The following PTPRD variants were observed in gnomAD, a reference collection of about 807,000 sequenced individuals.
PTPRD encodes receptor-type tyrosine-protein phosphatase delta.
PTPRD carries 34 observed loss-of-function variants against 214.5 expected under a neutral mutation model. The ratio of observed to expected loss-of-function variants is 0.16; its 90% confidence interval spans 0.12 to 0.21. The LOEUF is 0.21. Among genes scored for constraint, PTPRD ranks in the 10% least tolerant of loss-of-function variants. The pLI is 1.00. For synonymous variants in PTPRD, 1,128 were observed against 845.7 expected, an observed-to-expected ratio of 1.33 and a Z score of -5.79; for missense variants, 2,545 against 2,398.7, an observed-to-expected ratio of 1.06 and a Z score of -1.27.
intron 9 of PTPRD, among the ~76,000 whole-genome samples, chr9:9,225,818 G>C (rs1012918967): frequency 6.6e-6 from 1 of 151,988 alleles, no homozygotes; most frequent in African/African-American, 2.4e-5. Flanking sequence ...GAACTAGACA[G>C]TTTGAATAGT....
At chr9:10,578,715 A>T (rs549568176) in intron 2 of PTPRD, among the ~76,000 whole-genome samples, 1 of 152,212 alleles carries the variant, frequency 6.6e-6, no homozygotes, top group Admixed American at 6.5e-5. Flanking sequence ...TTTCGTTCAT[A>T]TTAGTTTTTT....
At chr9:9,822,949 A>G (rs753263403) in intron 5 of PTPRD, among the ~76,000 whole-genome samples, 14 of 152,146 alleles carry the variant, frequency 9.2e-5, no homozygotes, top group Non-Finnish European at 1.6e-4. Flanking sequence ...CATTTATTCC[A>G]GCAATCCCAC....
chr9:9,969,418 G>A (rs995330209), intron 4 of PTPRD, among the ~76,000 whole-genome samples: 2 of 152,186 alleles, frequency 1.3e-5, no homozygotes, highest in East Asian at 3.9e-4. Flanking sequence ...GAGATAGAGG[G>A]TACTGTAGTC....
intron 35 of PTPRD, among the ~76,000 whole-genome samples, chr9:8,410,374 C>G (rs936021529): frequency 1.8e-4 from 27 of 152,118 alleles, no homozygotes; most frequent in Non-Finnish European, 4.4e-5. Flanking sequence ...TAGCTCTGGC[C>G]GGTCAGGTAA....
At chr9:9,244,650 G>GACTT in intron 9 of PTPRD, among the ~76,000 whole-genome samples, 1 of 152,168 alleles carries the variant, frequency 6.6e-6, no homozygotes, top group African/African-American at 2.4e-5. Context: ...GATGGATTAA[G>GACTT]ACTTAAATGT....
chr9:9,307,431 C>T (rs1440205513), intron 9 of PTPRD, among the ~76,000 whole-genome samples: 1 of 152,112 alleles, frequency 6.6e-6, no homozygotes, highest in Non-Finnish European at 1.5e-5. Context: ...TATGTCTTTT[C>T]CTGCACCATC....
At chr9:8,733,727 A>G in intron 12 of PTPRD, 53 bp downstream of exon 12, 1 of 1,543,716 alleles carries the variant, frequency 6.5e-7, no homozygotes, top group Non-Finnish European at 8.8e-7. Context: ...CCAACTGCAA[A>G]CAAAACCACT....
At chr9:10,185,544 T>A (rs73641869) in intron 3 of PTPRD, among the ~76,000 whole-genome samples, 1 of 152,204 alleles carries the variant, frequency 6.6e-6, no homozygotes, top group Non-Finnish European at 1.5e-5. Context: ...ATGGCTGTTA[T>A]CTGCGTTTTA....
chr9:10,538,330 A>C (rs1450309730), intron 2 of PTPRD, among the ~76,000 whole-genome samples: 1 of 151,692 alleles, frequency 6.6e-6, no homozygotes, highest in Non-Finnish European at 1.5e-5. Flanking sequence ...AAAGAAAGAG[A>C]TGATGAAGAA....
chr9:9,360,509 G>A (rs1223172089), intron 9 of PTPRD, among the ~76,000 whole-genome samples: 3 of 151,168 alleles, frequency 2.0e-5, no homozygotes, highest in Middle Eastern at 3.4e-3. Flanking sequence ...CTATGGGAGT[G>A]TGAATGCATA....
At chr9:9,672,729 C>A (rs60385953) in intron 7 of PTPRD, among the ~76,000 whole-genome samples, 21,912 of 151,888 alleles carry the variant, frequency 0.14, 2,170 homozygotes, top group African/African-American at 0.28. Flanking sequence ...AGTTTCACTA[C>A]TGAGAAAACA....
intron 11 of PTPRD, among the ~76,000 whole-genome samples, chr9:9,017,467 A>T (rs988282056): frequency 2.6e-5 from 4 of 152,120 alleles, no homozygotes; most frequent in African/African-American, 9.7e-5. Flanking sequence ...AGTAATTTGA[A>T]CCATTCTAAC....
intron 10 of PTPRD, among the ~76,000 whole-genome samples, chr9:9,106,200 T>A (rs1445265773): frequency 6.6e-6 from 1 of 152,052 alleles, no homozygotes; most frequent in Admixed American, 6.6e-5. Context: ...TTAATCTATG[T>A]TGAATCCTAT....
At chr9:10,067,772 C>T (rs2097911944) in intron 3 of PTPRD, among the ~76,000 whole-genome samples, 1 of 151,818 alleles carries the variant, frequency 6.6e-6, no homozygotes, top group Admixed American at 6.6e-5. Flanking sequence ...ATCCCTATCT[C>T]CCACCCCAAC....
intron 11 of PTPRD, among the ~76,000 whole-genome samples, chr9:8,817,385 A>C (rs762118408): frequency 6.6e-6 from 1 of 152,194 alleles, no homozygotes; most frequent in Non-Finnish European, 1.5e-5. Context: ...CAAGAGTAAA[A>C]GTTTTATAAT....
intron 3 of PTPRD, among the ~76,000 whole-genome samples, chr9:10,196,119 A>C (rs1016688805): frequency 7.9e-5 from 12 of 152,166 alleles, no homozygotes; most frequent in Non-Finnish European, 1.6e-4. Context: ...GACTATATAC[A>C]CTTATCAAAA....
chr9:9,688,015 G>A (rs1042732267), intron 7 of PTPRD, among the ~76,000 whole-genome samples: 1 of 151,720 alleles, frequency 6.6e-6, no homozygotes, highest in Non-Finnish European at 1.5e-5. Flanking sequence ...GATTTCAAAC[G>A]TGGCAGTTTC....
At chr9:9,011,730 C>A (rs796353052) in intron 11 of PTPRD, among the ~76,000 whole-genome samples, 4 of 152,234 alleles carry the variant, frequency 2.6e-5, no homozygotes, top group African/African-American at 9.6e-5. Flanking sequence ...TTAGTGAGAA[C>A]AAATTAAGAT....
chr9:8,477,823 C>T (rs1367694963), intron 30 of PTPRD, among the ~76,000 whole-genome samples: 1 of 152,080 alleles, frequency 6.6e-6, no homozygotes, highest in Non-Finnish European at 1.5e-5. Flanking sequence ...AAAAAAAATT[C>T]TATTTTGACC....
Sources: allele counts gnomAD v4.1 joint callset (sites outside exome capture counted in the v4.1 genomes callset), GRCh38; gene constraint gnomAD v4.1.1; transcripts MANE v1.5; gene names NCBI Gene and HGNC (gene_info 2026-07-23, HGNC 2026-07-21).